The following SENP5 variants were observed in gnomAD, a reference collection of about 807,000 sequenced individuals.
SENP5 encodes SUMO specific peptidase 5.
In SENP5, 21 loss-of-function variants were observed where a neutral mutation model predicts 74.2. That is an observed-to-expected ratio of 0.28 (90% CI 0.20 to 0.41). The LOEUF (loss-of-function observed/expected upper bound fraction) is 0.41, where lower values mean the gene tolerates loss of function less well. SENP5 is among the 10% of genes least tolerant of loss of function. SENP5 has a pLI of 1.00. For missense variants in SENP5, 717 were observed against 889.1 expected (o/e 0.81, Z 2.46); for synonymous variants, 311 against 312.7 (o/e 0.99, Z 0.06).
chr3:196,895,481 C>T (rs140900472), intron 2 of SENP5, among the ~76,000 whole-genome samples: 1,672 of 149,648 alleles, frequency 0.011, 21 homozygotes, highest in African/African-American at 0.032. Context: ...CCACCGCGCC[C>T]GGCCTTACTT....
chr3:196,881,764 A>G (rs1330003179), intron 1 of SENP5, among the ~76,000 whole-genome samples: 1 of 147,832 alleles, frequency 6.8e-6, no homozygotes, highest in African/African-American at 2.5e-5. Context: ...TTGAGTTTTT[A>G]ATTTCTGCTA....
chr3:196,889,259 A>G (rs757694979), intron 2 of SENP5, among the ~76,000 whole-genome samples: 1 of 152,008 alleles, frequency 6.6e-6, no homozygotes, highest in Admixed American at 6.6e-5. Flanking sequence ...AGATTTCCCT[A>G]CTGAGGTTAG....
chr3:196,919,563 G>A (rs1260448319), intron 6 of SENP5, among the ~76,000 whole-genome samples: 1 of 152,176 alleles, frequency 6.6e-6, no homozygotes, highest in Non-Finnish European at 1.5e-5. Flanking sequence ...GGAGGCTGAG[G>A]TGGGCTGATC....
intron 1 of SENP5, among the ~76,000 whole-genome samples, chr3:196,870,704 G>C (rs1713177051): frequency 6.6e-6 from 1 of 151,866 alleles, no homozygotes; most frequent in Non-Finnish European, 1.5e-5. Context: ...TTTTAGTAGA[G>C]ATGGGGTTTC....
At chr3:196,876,304 A>G (rs1052766965) in intron 1 of SENP5, among the ~76,000 whole-genome samples, 2 of 152,122 alleles carry the variant, frequency 1.3e-5, no homozygotes, top group African/African-American at 4.8e-5. Context: ...CAGGCGGATC[A>G]TGAGGTCAAG....
intron 2 of SENP5, among the ~76,000 whole-genome samples, chr3:196,899,004 G>C (rs1031293513): frequency 6.6e-6 from 1 of 151,602 alleles, no homozygotes; most frequent in South Asian, 2.1e-4. Context: ...GCGTGAACCC[G>C]GGAGGTGGAG....
Position 196,886,948 on chromosome 3 carries a change from T to A in SENP5, c.1513+254T>A, listed in dbSNP as rs369801507. Among the ~76,000 whole-genome samples, 7 of 152,328 alleles carry A rather than the reference T, an allele frequency of 4.6e-5. No homozygotes were observed. The South Asian group carries it at 8.3e-4, about 18-fold the overall frequency. The stretch of plus-strand genomic sequence containing the variant: ...TTATGTCTTTACATTTATACATTTG[T>A]TTCTGTAAGCTAAATTCTCATTATT... On this transcript the variant is annotated intron_variant, in intron 2 of 9. Coordinates refer to ENST00000323460, the MANE Select transcript of SENP5 (RefSeq NM_152699.5).
intron 6 of SENP5, among the ~76,000 whole-genome samples, chr3:196,914,778 A>G (rs1442589451): frequency 6.6e-6 from 1 of 151,796 alleles, no homozygotes; most frequent in Admixed American, 6.6e-5. Flanking sequence ...CATAAGAACC[A>G]GAAATCAGGT....
intron 1 of SENP5, among the ~76,000 whole-genome samples, chr3:196,874,058 C>G (rs983801153): frequency 6.7e-6 from 1 of 148,838 alleles, no homozygotes; most frequent in African/African-American, 2.5e-5. Context: ...CTTAGGTACT[C>G]AGAAGGCTAA....
intron 2 of SENP5, among the ~76,000 whole-genome samples, chr3:196,892,096 G>C (rs558007593): frequency 1.3e-5 from 2 of 148,212 alleles, no homozygotes; most frequent in Admixed American, 1.4e-4. Context: ...GGCCGACCTT[G>C]ACTCTTAAAA....
intron 5 of SENP5, 148 bp downstream of exon 5, chr3:196,900,560 C>A: frequency 1.7e-6 from 1 of 574,696 alleles, no homozygotes; most frequent in Non-Finnish European, 2.9e-6. Context: ...ATGTACTGGG[C>A]TTGATCGTAA....
chr3:196,880,922 T>C (rs7429554), intron 1 of SENP5, among the ~76,000 whole-genome samples: 48,435 of 151,370 alleles, frequency 0.32, 8,638 homozygotes, highest in East Asian at 0.77. Flanking sequence ...ATTACAGGCA[T>C]GAGCCACCGC....
intron 6 of SENP5, among the ~76,000 whole-genome samples, chr3:196,907,904 A>G (rs13093438): frequency 0.4 from 58,380 of 145,570 alleles, 11,997 homozygotes; most frequent in Non-Finnish European, 0.46. Flanking sequence ...AAAAAAAAAA[A>G]AAACCCAGGT....
intron 1 of SENP5, among the ~76,000 whole-genome samples, chr3:196,880,864 C>G (rs1713696440): frequency 6.6e-6 from 1 of 152,028 alleles, no homozygotes; most frequent in Non-Finnish European, 1.5e-5. Flanking sequence ...TGGTCTCGAA[C>G]TCGCGACCTC....
chr3:196,894,430 T>C (rs941182871), intron 2 of SENP5, among the ~76,000 whole-genome samples: 3 of 152,112 alleles, frequency 2.0e-5, no homozygotes, highest in African/African-American at 4.8e-5. Context: ...GCCTAATGTG[T>C]TATTTTTAAT....
chr3:196,871,880 A>C (rs2108802009), intron 1 of SENP5, among the ~76,000 whole-genome samples: 1 of 152,168 alleles, frequency 6.6e-6, no homozygotes, highest in Non-Finnish European at 1.5e-5. Context: ...AAATACAGTC[A>C]AATACATAGA....
At chr3:196,903,295 A>T (rs1214693348) in intron 5 of SENP5, among the ~76,000 whole-genome samples, 1 of 152,076 alleles carries the variant, frequency 6.6e-6, no homozygotes. Flanking sequence ...GGGTGCCACC[A>T]CGCCCGGCTA....
intron 6 of SENP5, among the ~76,000 whole-genome samples, chr3:196,907,330 C>T (rs527683673): frequency 9.2e-5 from 14 of 151,598 alleles, no homozygotes; most frequent in Non-Finnish European, 1.3e-4. Flanking sequence ...AAAAATTAGC[C>T]GGGCGTGGTG....
rs375942222 is a variant in SENP5, at chr3:196,901,150, A to G, written c.1806+738A>G. Among the ~76,000 whole-genome samples, 49 of 150,190 alleles carry G rather than the reference A, an allele frequency of 3.3e-4. No individual in the cohort carries two copies. The East Asian group carries it at 6.7e-3, about 21-fold the overall frequency. ...AACCTCCACCTCCTGGGTTCAAGCA[A>G]TTCTCCTGCCTTAGCCTCCCAAGTA... On this transcript the variant is annotated intron_variant, in intron 5 of 9. Transcript: ENST00000323460.
Sources: gnomAD v4.1 joint callset for allele counts (sites outside exome capture counted in the v4.1 genomes callset) on GRCh38, gnomAD v4.1.1 for gene constraint, MANE v1.5 for transcripts, NCBI Gene and HGNC (gene_info 2026-07-23, HGNC 2026-07-21) for gene names.